The following DYNC2H1 variants were observed in gnomAD, a reference collection of about 807,000 sequenced individuals.
DYNC2H1 encodes dynein cytoplasmic 2 heavy chain 1.
A neutral mutation model predicts 570.0 loss-of-function variants in DYNC2H1; 410 were observed. The observed-to-expected ratio is 0.72, with a 90% CI of 0.66 to 0.78. DYNC2H1 has a LOEUF of 0.78. Ranked by LOEUF, DYNC2H1 falls within the 30% of genes least tolerant of loss-of-function variation. DYNC2H1 has a pLI of 0.00. For synonymous variants in DYNC2H1, 1,688 were observed against 1,677.6 expected (o/e 1.01, Z -0.15); for missense variants, 4,865 against 5,046.4 (o/e 0.96, Z 1.09).
rs34032894 is a variant in DYNC2H1 at position 103,451,324 on chromosome 11, C to CTTTTTTT, written c.12457-3841_12457-3835dup. The stretch of plus-strand genomic sequence containing the variant: ...AGAAATGAATCACTGAGTAAAAGGG[C>CTTTTTTT]TTTTTTTTTTTTTTTTTTTTTTTTT... On this transcript the variant is annotated intron_variant, in intron 85 of 88. Coordinates refer to ENST00000375735, the MANE Select transcript of DYNC2H1 (RefSeq NM_001377.3). Among the ~76,000 whole-genome samples the CTTTTTTT allele has an allele frequency of 1.7e-4, 12 of 71,034 alleles. 2 individuals are homozygous for CTTTTTTT. Among genetic ancestry groups the CTTTTTTT allele is most frequent in the African/African-American group, 6.7e-4 (10 of 14,836 alleles). 46.6% of individuals were successfully genotyped at this position (71,034 alleles called of 152,430 possible).
intron 88 of DYNC2H1, 140 bp from the exon 89 acceptor site, chr11:103,478,955 C>T (rs963872442): frequency 5.0e-5 from 47 of 947,546 alleles, no homozygotes; most frequent in Non-Finnish European, 6.3e-5. Context: ...CATTTTGTTG[C>T]AGGGGGATGA....
At chr11:103,311,784 A>T (rs1867600344) in intron 78 of DYNC2H1, 94 bp from the exon 79 acceptor site, 4 of 1,309,756 alleles carry the variant, frequency 3.1e-6, no homozygotes, top group African/African-American at 3.0e-5. Flanking sequence ...GCAGTGAAAA[A>T]TTTTCTTTAA....
intron 83 of DYNC2H1, among the ~76,000 whole-genome samples, chr11:103,371,943 TTTTTTTTTTG>T (rs1941171508): frequency 6.9e-6 from 1 of 145,392 alleles, no homozygotes; most frequent in African/African-American, 2.5e-5. Context: ...TTTTTTTTTT[TTTTTTTTTTG>T]TCTTGCCTAA....
At chr11:103,235,535 A>G in intron 61 of DYNC2H1, 137 bp from the exon 62 acceptor site, 1 of 690,088 alleles carries the variant, frequency 1.4e-6, no homozygotes, top group Non-Finnish European at 2.1e-6. Context: ...TGATATTTTT[A>G]CATTTTGACT....
chr11:103,310,041 T>A (rs372001499), intron 78 of DYNC2H1, among the ~76,000 whole-genome samples: 1 of 152,164 alleles, frequency 6.6e-6, no homozygotes, highest in African/African-American at 2.4e-5. Flanking sequence ...TCAAAATGAT[T>A]ATATGTATGT....
chr11:103,265,353 A>G (rs971410705), intron 70 of DYNC2H1, among the ~76,000 whole-genome samples: 1 of 152,244 alleles, frequency 6.6e-6, no homozygotes. Context: ...CGTTCAGCAC[A>G]AGTATCCCAG....
At chr11:103,175,637 A>C (rs1441323517) in intron 36 of DYNC2H1, among the ~76,000 whole-genome samples, 2 of 152,180 alleles carry the variant, frequency 1.3e-5, no homozygotes, top group Non-Finnish European at 2.9e-5. Context: ...CATTTGGCTT[A>C]AGAATGGGTT....
chr11:103,309,340 T>C (rs1867461895), intron 78 of DYNC2H1, among the ~76,000 whole-genome samples: 1 of 149,044 alleles, frequency 6.7e-6, no homozygotes, highest in African/African-American at 2.5e-5. Context: ...ACCCAGATAA[T>C]TTTTTTATTT....
At position 103,174,119 on chromosome 11, in the gene DYNC2H1, G is replaced by T; in HGVS notation, c.5623G>T (p.Gly1875Ter). The T allele has an allele frequency of 6.3e-7, 1 of 1,590,104 alleles. No homozygotes were observed. The highest frequency in any genetic ancestry group is 2.3e-5 in the East Asian group (1 of 44,130). The change falls in exon 36 of 89, where the codon GGA (glycine) becomes TGA (stop). Residue 1875 changes from glycine to a stop codon, truncating the protein, a stop_gained. Coordinates refer to ENST00000375735, the MANE Select transcript of DYNC2H1 (RefSeq NM_001377.3). LOFTEE classifies it high-confidence loss of function. ...GLRALKTVLR[G>*]SGNLLRQLNK... Reference sequence around the variant, plus strand: ...GAGAGCTTTGAAGACAGTTCTGAGAGGAAGTGGAAATCTCCTTAGACAGCT... The same window carrying T: ...GAGAGCTTTGAAGACAGTTCTGAGATGAAGTGGAAATCTCCTTAGACAGCT...
Position 103,211,849 on chromosome 11 carries a change from C to A in DYNC2H1, c.8600C>A (p.Ala2867Asp). 1 of 1,520,904 alleles carries A rather than the reference C, an allele frequency of 6.6e-7. No individual in the cohort carries two copies. The highest frequency in any genetic ancestry group is 1.4e-5 in the African/African-American group (1 of 72,400). 94.2% of individuals were successfully genotyped at this position (1,520,904 alleles called of 1,614,324 possible). The change falls in exon 54 of 89, where the codon GCT becomes GAT. Residue 2867 changes from alanine (A) to aspartate (D), a missense_variant. By Grantham distance (126) the Ala-to-Asp change is moderately radical. This residue lies in a region of DYNC2H1 where 2,401 missense variants were observed against 2,454.6 expected (regional missense o/e 0.98). Coordinates refer to ENST00000375735, the MANE Select transcript of DYNC2H1 (RefSeq NM_001377.3). ...CATGAATCTTGTAAAGCATATGGTG[C>A]TACACCAAGCCGATACATGACCTTT... is the stretch of plus-strand genomic sequence containing the variant. ...LIHESCKAYG[A>D]TPSRYMTFLH... is the part of the protein sequence containing the mutation.
chr11:103,177,666 G>T lies in DYNC2H1; in HGVS notation c.5985G>T (p.Ala1995=), dbSNP rs771297555. ...CGCTTTGGAGAATGTTAAGGGCTGCGCTTTGTAAAACTGGCAAAGTAGTGA... is the reference window on the plus strand; with the variant it reads ...CGCTTTGGAGAATGTTAAGGGCTGCTCTTTGTAAAACTGGCAAAGTAGTGA... ...KSTLWRMLRA[A]LCKTGKVVKQ... The change falls in exon 38 of 89, where the codon GCG becomes GCT. Residue 1995 remains alanine, a synonymous_variant. Transcript: ENST00000375735. This position sits in a 1 kb window ranked among gnomAD's most constrained non-coding sequence, Gnocchi z 4.4. The T allele has an allele frequency of 6.2e-7, 1 of 1,613,242 alleles. No individual in the cohort carries two copies. Among genetic ancestry groups the T allele is most frequent in the East Asian group, 2.2e-5 (1 of 44,824 alleles).
rs1429459587 is a variant in DYNC2H1, at chr11:103,135,931, G to T, written c.2557G>T (p.Val853Phe). The change falls in exon 17 of 89, where the codon GTT (valine) becomes TTT (phenylalanine). Residue 853 changes from valine to phenylalanine, a missense_variant. Val to Phe is a conservative substitution (Grantham distance 50, BLOSUM62 -1). Transcript: ENST00000375735. ...AEDLFRRLSAVLHQHKEWIVI... is the reference protein window; with the variant it reads ...AEDLFRRLSAFLHQHKEWIVI... The stretch of plus-strand genomic sequence containing the variant: ...AGATCTGTTTAGAAGATTGTCAGCT[G>T]TTTTACACCAACATAAGGTATAGAA... The T allele has an allele frequency of 6.2e-7, 1 of 1,606,916 alleles. No individual in the cohort carries two copies. Among genetic ancestry groups the T allele is most frequent in the Admixed American group, 1.7e-5 (1 of 59,524 alleles).
chr11:103,345,233 C>T (rs1454052580), intron 82 of DYNC2H1, among the ~76,000 whole-genome samples: 1 of 151,360 alleles, frequency 6.6e-6, no homozygotes, highest in Non-Finnish European at 1.5e-5. Context: ...GTAAATATAA[C>T]ACAATTTGTG....
In DYNC2H1 at chr11:103,280,768, A is replaced by G. The variant is rs181951511; in HGVS notation, c.10761+355A>G. Among the ~76,000 whole-genome samples the G allele has an allele frequency of 3.9e-5, 6 of 152,230 alleles. No homozygotes were observed. Among genetic ancestry groups the G allele is most frequent in the African/African-American group, 1.2e-4 (5 of 41,574 alleles). On this transcript the variant is annotated intron_variant, in intron 71 of 88. Coordinates refer to ENST00000375735, the MANE Select transcript of DYNC2H1 (RefSeq NM_001377.3). This position sits in a 1 kb window ranked among gnomAD's most constrained non-coding sequence, Gnocchi z 4.7. ...GACAATATTGGTACAAAACTACATTATTTATTGCTTCCACTGAACTGTCAA... is the reference window on the plus strand; with the variant it reads ...GACAATATTGGTACAAAACTACATTGTTTATTGCTTCCACTGAACTGTCAA...
At chr11:103,306,840 CAGAAATTGTGCCA>C (rs1313911753) in intron 77 of DYNC2H1, among the ~76,000 whole-genome samples, 2 of 151,968 alleles carry the variant, frequency 1.3e-5, no homozygotes, top group African/African-American at 4.8e-5. Flanking sequence ...AAGAAAAAGC[CAGAAATTGTGCCA>C]GGTTCTGGTT....
intron 83 of DYNC2H1, among the ~76,000 whole-genome samples, chr11:103,392,434 C>T (rs1218479752): frequency 1.3e-5 from 2 of 152,220 alleles, no homozygotes; most frequent in East Asian, 3.9e-4. Flanking sequence ...ATTCCCTGAC[C>T]CCTTGCGCTT....
At chr11:103,374,624 G>A (rs1941317027) in intron 83 of DYNC2H1, among the ~76,000 whole-genome samples, 1 of 152,152 alleles carries the variant, frequency 6.6e-6, no homozygotes, top group Non-Finnish European at 1.5e-5. Flanking sequence ...CCAGGCTGAG[G>A]TGGTCTCAGA....
intron 56 of DYNC2H1, among the ~76,000 whole-genome samples, 172 bp downstream of exon 56, chr11:103,220,200 T>C (rs557982145): frequency 4.4e-4 from 67 of 152,312 alleles, no homozygotes; most frequent in African/African-American, 1.6e-3. Context: ...CCAGGAAAAG[T>C]ATAAATTAAT....
intron 85 of DYNC2H1, among the ~76,000 whole-genome samples, chr11:103,436,982 G>A (rs1189869959): frequency 1.3e-5 from 2 of 152,030 alleles, no homozygotes; most frequent in East Asian, 1.9e-4. Flanking sequence ...GCTGCTGAGC[G>A]CTGCTACCGA....
Sources: allele counts gnomAD v4.1 joint callset (sites outside exome capture counted in the v4.1 genomes callset), GRCh38; gene constraint gnomAD v4.1.1; regional missense constraint gnomAD v4.1.1; non-coding constraint Gnocchi (gnomAD v3.1); transcripts MANE v1.5; gene names NCBI Gene and HGNC (gene_info 2026-07-23, HGNC 2026-07-21).